Variants in PDE8B observed in about 807,000 individuals in gnomAD.
PDE8B encodes the protein phosphodiesterase 8B.
PDE8B carries 26 observed loss-of-function variants against 101.3 expected under a neutral mutation model. That is an observed-to-expected ratio of 0.26 (90% CI 0.19 to 0.36). The LOEUF (loss-of-function observed/expected upper bound fraction) is 0.36. Among genes scored for constraint, PDE8B ranks in the 10% least tolerant of loss-of-function variants. The pLI, the probability that PDE8B is intolerant of heterozygous loss-of-function variation, is 1.00. For synonymous variants in PDE8B, 424 were observed against 429.3 expected (o/e 0.99, Z 0.15); for missense variants, 810 against 1,163.1 (o/e 0.70, Z 4.42).
the PDE8B span, among the ~76,000 whole-genome samples, chr5:77,121,000 T>C: frequency 0.013 from 2,014 of 152,114 alleles, 49 homozygotes; most frequent in African/African-American, 0.045. Flanking sequence ...GAACCAAGAG[T>C]CAAACAAGAG....
intron 10 of PDE8B, among the ~76,000 whole-genome samples, chr5:77,384,096 T>C (rs896576403): frequency 7.2e-5 from 11 of 152,226 alleles, no homozygotes; most frequent in African/African-American, 2.2e-4. Flanking sequence ...TTTCATGATA[T>C]TGATTCTTCC....
intron 3 of PDE8B, 106 bp from the exon 4 acceptor site, chr5:77,328,892 G>C: frequency 3.5e-6 from 3 of 861,890 alleles, no homozygotes; most frequent in Non-Finnish European, 5.9e-6. Context: ...GTTTTCTTTA[G>C]AGAAAGATTT....
At chr5:77,255,814 A>G (rs969893582) in intron 1 of PDE8B, among the ~76,000 whole-genome samples, 1 of 152,196 alleles carries the variant, frequency 6.6e-6, no homozygotes, top group Non-Finnish European at 1.5e-5. Flanking sequence ...CTCGTCTACT[A>G]CAGATCCGGG....
chr5:77,243,606 G>T (rs1044755015), intron 1 of PDE8B, among the ~76,000 whole-genome samples: 4 of 152,122 alleles, frequency 2.6e-5, no homozygotes, highest in African/African-American at 7.2e-5. Context: ...ACAATATGTA[G>T]TCTTTTTTGC....
rs780100774 is a variant in PDE8B, at chr5:77,400,250, T to A, written c.1170T>A (p.Ile390=). 1.2e-4 allele frequency: 195 copies of A among 1,598,508 alleles called. No homozygotes were observed. The highest frequency in any genetic ancestry group is 1.7e-6 in the Non-Finnish European group (2 of 1,165,920). Residue 390 remains isoleucine, a splice_region_variant and synonymous_variant, in exon 11 of 22, where the codon ATT becomes ATA. Coordinates refer to ENST00000264917, the MANE Select transcript of PDE8B (RefSeq NM_003719.5). ...ATCAAACTTTTGAACGACTTTAGAT[T>A]CACAAGATTCATCGTGATTCAGGAG... ...LCCTTDNNKQ[I]HKIHRDSGDN...
the PDE8B span, among the ~76,000 whole-genome samples, chr5:77,191,703 A>G: frequency 6.6e-6 from 1 of 152,188 alleles, no homozygotes; most frequent in African/African-American, 2.4e-5. Context: ...GGCACCAGGG[A>G]CCAATTTTGT....
At chr5:77,282,395 G>T (rs1765183464) in intron 1 of PDE8B, among the ~76,000 whole-genome samples, 1 of 152,048 alleles carries the variant, frequency 6.6e-6, no homozygotes, top group African/African-American at 2.4e-5. Flanking sequence ...CTGGCTCTCA[G>T]CCCCCACACT....
At chr5:77,282,122 G>T (rs555560401) in intron 1 of PDE8B, among the ~76,000 whole-genome samples, 2 of 152,090 alleles carry the variant, frequency 1.3e-5, no homozygotes, top group South Asian at 4.1e-4. Context: ...CCTGCTAACT[G>T]CCCCGTGGAC....
chr5:77,369,328 C>T (rs1784686923), intron 10 of PDE8B, among the ~76,000 whole-genome samples: 1 of 151,836 alleles, frequency 6.6e-6, no homozygotes, highest in African/African-American at 2.4e-5. Flanking sequence ...AGAATGGCCC[C>T]ACCTGAGTAG....
chr5:77,397,026 ATTTTTT>A (rs71606290), intron 10 of PDE8B, among the ~76,000 whole-genome samples: 4 of 84,400 alleles, frequency 4.7e-5, no homozygotes, highest in East Asian at 4.2e-4. Context: ...CCGATAAGAA[ATTTTTT>A]TTTTTTTTTT....
At chr5:77,121,509 C>CTT in the PDE8B span, among the ~76,000 whole-genome samples, 200 of 141,098 alleles carry the variant, frequency 1.4e-3, 1 homozygote, top group Middle Eastern at 3.7e-3. Flanking sequence ...ATTAGGCTTC[C>CTT]TTTTTTTTTT....
intron 1 of PDE8B, among the ~76,000 whole-genome samples, chr5:77,222,144 G>C (rs916034444): frequency 6.6e-6 from 1 of 152,174 alleles, no homozygotes; most frequent in Non-Finnish European, 1.5e-5. Flanking sequence ...GCTCTGCCCT[G>C]TACAAACTTT....
At chr5:77,174,146 A>G in the PDE8B span, among the ~76,000 whole-genome samples, 3 of 152,104 alleles carry the variant, frequency 2.0e-5, no homozygotes, top group African/African-American at 7.2e-5. Context: ...TGCTGCATGA[A>G]TTTTTAGCTG....
chr5:77,378,777 A>ATC, intron 10 of PDE8B, among the ~76,000 whole-genome samples: 1 of 152,166 alleles, frequency 6.6e-6, no homozygotes, highest in African/African-American at 2.4e-5. Flanking sequence ...GCTTGGCCCC[A>ATC]CCCAGACCTA....
At chr5:77,271,819 C>A (rs929277787) in intron 1 of PDE8B, among the ~76,000 whole-genome samples, 1 of 152,210 alleles carries the variant, frequency 6.6e-6, no homozygotes, top group African/African-American at 2.4e-5. Flanking sequence ...ACAGCAGCCA[C>A]TTCACATTCT....
chr5:77,184,794 A>G, the PDE8B span, among the ~76,000 whole-genome samples: 18 of 152,282 alleles, frequency 1.2e-4, no homozygotes, highest in African/African-American at 4.3e-4. Flanking sequence ...AGCTTAGGCA[A>G]CATAGTGAGA....
chr5:77,292,747 C>A (rs1248116659), intron 1 of PDE8B, among the ~76,000 whole-genome samples: 2 of 152,042 alleles, frequency 1.3e-5, no homozygotes, highest in Non-Finnish European at 2.9e-5. Context: ...AGTAGAGATT[C>A]AAAAAACTCT....
At chr5:77,335,533 GT>G (rs1206228200) in intron 5 of PDE8B, among the ~76,000 whole-genome samples, 17 of 47,094 alleles carry the variant, frequency 3.6e-4, no homozygotes, top group African/African-American at 8.7e-4. Context: ...TATATGTGGG[GT>G]GTGTGTGTGT....
At chr5:77,220,948 CAG>C (rs1254401865) in intron 1 of PDE8B, among the ~76,000 whole-genome samples, 1 of 152,162 alleles carries the variant, frequency 6.6e-6, no homozygotes, top group Non-Finnish European at 1.5e-5. Context: ...GCTAGGGACT[CAG>C]AGCTACATCT....
Sources: allele counts gnomAD v4.1 joint callset (sites outside exome capture counted in the v4.1 genomes callset), GRCh38; gene constraint gnomAD v4.1.1; transcripts MANE v1.5; gene names NCBI Gene and HGNC (gene_info 2026-07-23, HGNC 2026-07-21).